The following ARHGEF28 variants were observed in gnomAD, a reference collection of about 807,000 sequenced individuals.
ARHGEF28 encodes the protein 190 kDa guanine nucleotide exchange factor.
Under a neutral mutation model 206.6 loss-of-function variants are expected in ARHGEF28, and 152 were observed. The observed-to-expected ratio is 0.74, with a 90% confidence interval of 0.64 to 0.84. The LOEUF (loss-of-function observed/expected upper bound fraction) is 0.84. ARHGEF28 is among the 40% of genes least tolerant of loss of function. ARHGEF28 has a pLI of 0.00. For missense variants in ARHGEF28, 2,028 were observed against 2,073.2 expected, an observed-to-expected ratio of 0.98 and a Z score of 0.42; for synonymous variants, 763 against 776.4, an observed-to-expected ratio of 0.98 and a Z score of 0.29.
intron 9 of ARHGEF28, among the ~76,000 whole-genome samples, chr5:73,800,372 C>T (rs1275870811): frequency 2.0e-5 from 3 of 152,078 alleles, no homozygotes; most frequent in African/African-American, 7.2e-5. Context: ...ATCCTATGCA[C>T]AAGTATTTAT....
At chr5:73,732,341 T>C (rs532084465) in intron 2 of ARHGEF28, among the ~76,000 whole-genome samples, 2 of 152,066 alleles carry the variant, frequency 1.3e-5, no homozygotes. Flanking sequence ...AGATCAGCTT[T>C]TTTTTTTTCA....
At chr5:73,757,453 T>G (rs1580575713) in intron 4 of ARHGEF28, among the ~76,000 whole-genome samples, 1 of 152,196 alleles carries the variant, frequency 6.6e-6, no homozygotes, top group Non-Finnish European at 1.5e-5. Flanking sequence ...CTTGGAAGAG[T>G]GATCAAAACC....
chr5:73,822,613 A>T (rs1007348894), intron 9 of ARHGEF28, among the ~76,000 whole-genome samples: 7 of 152,036 alleles, frequency 4.6e-5, no homozygotes, highest in African/African-American at 1.4e-4. Context: ...ATGCTAGTTT[A>T]CCTCTGGAAA....
chr5:73,853,919 G>A (rs1315165138), intron 14 of ARHGEF28, among the ~76,000 whole-genome samples: 1 of 152,170 alleles, frequency 6.6e-6, no homozygotes, highest in Non-Finnish European at 1.5e-5. Context: ...ATTTAAGACC[G>A]AAGGAGCCAA....
In ARHGEF28 at chr5:73,645,008, T is replaced by C. The variant is rs80120764; in HGVS notation, c.-12+18686T>C. 1.0e-3 allele frequency among the ~76,000 whole-genome samples: 159 copies of C among 152,318 alleles called. 2 individuals are homozygous for C. The East Asian group carries it at 0.029, about 28-fold the overall frequency. ...GTAAGAAAATAAAATTTGTATATCTTTTTATAGTTTTTAGAGGGCTCCTAT... is the reference window on the plus strand; with the variant it reads ...GTAAGAAAATAAAATTTGTATATCTCTTTATAGTTTTTAGAGGGCTCCTAT... On this transcript the variant is annotated intron_variant, in intron 1 of 35. Transcript: ENST00000513042.
chr5:73,846,223 T>C, intron 11 of ARHGEF28, 45 bp from the exon 12 acceptor site: 1 of 1,572,992 alleles, frequency 6.4e-7, no homozygotes, highest in Non-Finnish European at 8.7e-7. Flanking sequence ...TGACGCTCTG[T>C]GTCCTTCCTT....
chr5:73,915,090 CCTTTTG>C (rs1200519474), intron 35 of ARHGEF28, among the ~76,000 whole-genome samples: 1 of 152,052 alleles, frequency 6.6e-6, no homozygotes, highest in African/African-American at 2.4e-5. Context: ...CTAATCTAAT[CCTTTTG>C]TAATGCCTAG....
chr5:73,649,944 C>G (rs967203952), intron 1 of ARHGEF28, among the ~76,000 whole-genome samples: 10 of 152,312 alleles, frequency 6.6e-5, no homozygotes, highest in Admixed American at 1.3e-4. Flanking sequence ...CACACTGTGG[C>G]AACCTGTGCC....
At chr5:73,835,836 A>C (rs1367042350) in intron 10 of ARHGEF28, among the ~76,000 whole-genome samples, 1 of 152,132 alleles carries the variant, frequency 6.6e-6, no homozygotes, top group African/African-American at 2.4e-5. Flanking sequence ...ACCAGACTCC[A>C]TCTCCAGGTC....
At chr5:73,683,079 A>G (rs1747210965) in intron 1 of ARHGEF28, among the ~76,000 whole-genome samples, 1 of 151,986 alleles carries the variant, frequency 6.6e-6, no homozygotes, top group Non-Finnish European at 1.5e-5. Flanking sequence ...TCTTTGTGTA[A>G]TACCTGGCCC....
intron 4 of ARHGEF28, among the ~76,000 whole-genome samples, chr5:73,762,703 G>A (rs1412273303): frequency 6.6e-6 from 1 of 150,988 alleles, no homozygotes; most frequent in Non-Finnish European, 1.5e-5. Context: ...TTTTTTTGTT[G>A]TTGGCTTTAA....
At chr5:73,806,717 C>T (rs1171922704) in intron 9 of ARHGEF28, among the ~76,000 whole-genome samples, 1 of 141,638 alleles carries the variant, frequency 7.1e-6, no homozygotes, top group African/African-American at 2.6e-5. Flanking sequence ...ACCATATATA[C>T]GATATATCGT....
intron 9 of ARHGEF28, among the ~76,000 whole-genome samples, chr5:73,822,447 A>G (rs1348252226): frequency 6.6e-6 from 1 of 152,218 alleles, no homozygotes; most frequent in Non-Finnish European, 1.5e-5. Context: ...ACTTTAGCTT[A>G]CATATGACCC....
At chr5:73,863,532 C>T (rs1759525142) in intron 16 of ARHGEF28, among the ~76,000 whole-genome samples, 1 of 151,988 alleles carries the variant, frequency 6.6e-6, no homozygotes, top group Admixed American at 6.6e-5. Flanking sequence ...GCGGTCCTTG[C>T]CTGTCTCATG....
At chr5:73,892,343 C>T in intron 27 of ARHGEF28, 113 bp downstream of exon 27, 1 of 1,219,176 alleles carries the variant, frequency 8.2e-7, no homozygotes, top group Non-Finnish European at 1.1e-6. Context: ...GGTCTGCCCC[C>T]TGCCCCCTGC....
At chr5:73,862,965 C>G (rs562288865) in intron 16 of ARHGEF28, 12 of 151,170 alleles carry the variant, frequency 7.9e-5, no homozygotes, top group Non-Finnish European at 1.5e-4. Context: ...CTTCATGTAC[C>G]AAGGGACCTA....
chr5:73,665,215 A>T (rs1264593917), intron 1 of ARHGEF28, among the ~76,000 whole-genome samples: 2 of 152,090 alleles, frequency 1.3e-5, no homozygotes, highest in African/African-American at 2.4e-5. Context: ...TCCCTTCCCC[A>T]CTTAAAAATC....
At chr5:73,747,373 C>T (rs1751777832) in intron 2 of ARHGEF28, among the ~76,000 whole-genome samples, 1 of 152,120 alleles carries the variant, frequency 6.6e-6, no homozygotes, top group African/African-American at 2.4e-5. Flanking sequence ...AGAAAGATCC[C>T]ACTCTTACCC....
intron 35 of ARHGEF28, among the ~76,000 whole-genome samples, 189 bp from the exon 36 acceptor site, chr5:73,940,655 C>A (rs1319118802): frequency 1.3e-5 from 2 of 152,196 alleles, no homozygotes; most frequent in African/African-American, 4.8e-5. Flanking sequence ...TGCACACAAT[C>A]GAACATATCT....
Sources: allele counts gnomAD v4.1 joint callset (sites outside exome capture counted in the v4.1 genomes callset), GRCh38; gene constraint gnomAD v4.1.1; transcripts MANE v1.5; gene names NCBI Gene and HGNC (gene_info 2026-07-23, HGNC 2026-07-21).